The following CAMK1D variants were observed in gnomAD, a reference collection of about 807,000 sequenced individuals.
The protein encoded by CAMK1D is calcium/calmodulin dependent protein kinase ID, also known as calcium/calmodulin-dependent protein kinase type 1D.
In CAMK1D, 9 loss-of-function variants were observed where a neutral mutation model predicts 47.7. The observed-to-expected ratio is 0.19, with a 90% CI of 0.11 to 0.33. The LOEUF is 0.33. Among genes scored for constraint, CAMK1D ranks in the 10% least tolerant of loss-of-function variants. The pLI, the probability that CAMK1D is intolerant of heterozygous loss-of-function variation, is 1.00. For missense variants in CAMK1D, 291 were observed against 488.7 expected (o/e 0.60, Z 3.81); for synonymous variants, 184 against 184.9 (o/e 0.99, Z 0.04).
chr10:12,516,883 A>C (rs947082232), intron 1 of CAMK1D, among the ~76,000 whole-genome samples: 1 of 152,190 alleles, frequency 6.6e-6, no homozygotes, highest in Non-Finnish European at 1.5e-5. Context: ...TTGCCTTTCC[A>C]TATAAATGTT....
intron 1 of CAMK1D, among the ~76,000 whole-genome samples, chr10:12,522,118 G>A (rs998651832): frequency 1.3e-5 from 2 of 149,898 alleles, no homozygotes; most frequent in Non-Finnish European, 3.0e-5. Flanking sequence ...TATTTGCTTT[G>A]CGTTGATCTC....
chr10:12,474,285 G>A (rs575799525), intron 1 of CAMK1D, among the ~76,000 whole-genome samples: 3 of 144,036 alleles, frequency 2.1e-5, no homozygotes, highest in South Asian at 4.5e-4. Context: ...TGCAAGCTCC[G>A]CCTCCTGGGT....
intron 6 of CAMK1D, among the ~76,000 whole-genome samples, chr10:12,796,518 C>T (rs532034512): frequency 6.6e-6 from 1 of 152,266 alleles, no homozygotes; most frequent in South Asian, 2.1e-4. Flanking sequence ...CAAGGCAGTT[C>T]CCATCCCTTT....
chr10:12,814,130 CAA>C, intron 6 of CAMK1D, 63 bp from the exon 7 acceptor site: 1 of 1,055,802 alleles, frequency 9.5e-7, no homozygotes, highest in South Asian at 1.3e-5. Context: ...TCCTTCCAGG[CAA>C]AGTGTACAGT....
intron 2 of CAMK1D, among the ~76,000 whole-genome samples, chr10:12,628,795 T>C (rs1588708459): frequency 6.6e-6 from 1 of 152,152 alleles, no homozygotes; most frequent in South Asian, 2.1e-4. Flanking sequence ...CCCTTCCCCT[T>C]CTCCTTCCAA....
At chr10:12,568,761 A>G (rs1837223299) in intron 2 of CAMK1D, among the ~76,000 whole-genome samples, 1 of 152,120 alleles carries the variant, frequency 6.6e-6, no homozygotes. Flanking sequence ...TCCTAGGGGT[A>G]TATGTCCAGT....
intron 2 of CAMK1D, among the ~76,000 whole-genome samples, chr10:12,651,855 T>C (rs1325296771): frequency 6.6e-6 from 1 of 152,038 alleles, no homozygotes; most frequent in Admixed American, 6.5e-5. Context: ...CTCGGCTCAC[T>C]GCAAGCCACC....
intron 1 of CAMK1D, among the ~76,000 whole-genome samples, chr10:12,537,447 G>A (rs932719095): frequency 6.6e-6 from 1 of 152,188 alleles, no homozygotes; most frequent in South Asian, 2.1e-4. Flanking sequence ...TTCCCAAAAT[G>A]TTGTAGCAAT....
chr10:12,822,502 G>T (rs757353038), intron 8 of CAMK1D, among the ~76,000 whole-genome samples: 2 of 152,248 alleles, frequency 1.3e-5, no homozygotes, highest in African/African-American at 2.4e-5. Context: ...GCCACGGGCC[G>T]TGGGGTCTGA....
At chr10:12,466,668 G>A (rs1357488343) in intron 1 of CAMK1D, among the ~76,000 whole-genome samples, 3 of 150,856 alleles carry the variant, frequency 2.0e-5, no homozygotes, top group African/African-American at 7.3e-5. Flanking sequence ...ATGAGATAAT[G>A]CATTAAAAAT....
chr10:12,810,956 C>G (rs1174067651), intron 6 of CAMK1D, among the ~76,000 whole-genome samples: 1 of 152,216 alleles, frequency 6.6e-6, no homozygotes, highest in African/African-American at 2.4e-5. Context: ...GTGAGCACCT[C>G]TAGACCCAGG....
chr10:12,483,946 C>G (rs546302529), intron 1 of CAMK1D, among the ~76,000 whole-genome samples: 2 of 152,298 alleles, frequency 1.3e-5, no homozygotes, highest in Non-Finnish European at 2.9e-5. Context: ...TTCGGCCTCC[C>G]AAAGTGCTCC....
At chr10:12,799,656 G>A (rs563211519) in intron 6 of CAMK1D, among the ~76,000 whole-genome samples, 1 of 152,152 alleles carries the variant, frequency 6.6e-6, no homozygotes, top group Non-Finnish European at 1.5e-5. Context: ...TTTGTCCCAG[G>A]TGTGCGCTCA....
intron 3 of CAMK1D, among the ~76,000 whole-genome samples, chr10:12,732,786 G>C (rs1236658635): frequency 6.7e-6 from 1 of 148,460 alleles, no homozygotes; most frequent in East Asian, 2.0e-4. Flanking sequence ...CAGCAACAAT[G>C]AGGGGCAATG....
At chr10:12,523,331 C>T (rs1835502420) in intron 1 of CAMK1D, among the ~76,000 whole-genome samples, 1 of 152,042 alleles carries the variant, frequency 6.6e-6, no homozygotes, top group Non-Finnish European at 1.5e-5. Context: ...CTCCTCATTT[C>T]CCAGACAGGG....
intron 2 of CAMK1D, among the ~76,000 whole-genome samples, chr10:12,585,453 A>G (rs1199477092): frequency 6.6e-6 from 1 of 152,184 alleles, no homozygotes; most frequent in African/African-American, 2.4e-5. Context: ...GGACCACTGT[A>G]TTTGTCCGTT....
intron 1 of CAMK1D, among the ~76,000 whole-genome samples, chr10:12,507,386 G>A (rs934586594): frequency 1.3e-5 from 2 of 152,202 alleles, no homozygotes; most frequent in African/African-American, 4.8e-5. Context: ...GCCAGCAGCA[G>A]GGAAGCACCC....
chr10:12,760,571 A>G (rs900386765), intron 3 of CAMK1D: 1 of 167,574 alleles, frequency 6.0e-6, no homozygotes, highest in African/African-American at 2.4e-5. Context: ...TCGGTCATTT[A>G]AGGATACTGT....
chr10:12,531,606 C>T lies in CAMK1D; in HGVS notation c.93-21619C>T, dbSNP rs776200052. Among the ~76,000 whole-genome samples the T allele has an allele frequency of 1.2e-4, 18 of 152,354 alleles. No homozygotes were observed. The Middle Eastern group carries it at 0.01, about 86-fold the overall frequency. ...ATCACAGTGGAACGGATCCAAACCA[C>T]GCCTCCCATTTTGCACAGAAAGAGC... On this transcript the variant is annotated intron_variant, in intron 1 of 10. Transcript: ENST00000619168.
Sources: allele counts gnomAD v4.1 joint callset (sites outside exome capture counted in the v4.1 genomes callset), GRCh38; gene constraint gnomAD v4.1.1; transcripts MANE v1.5; gene names NCBI Gene and HGNC (gene_info 2026-07-23, HGNC 2026-07-21).